The following LINGO1 variants were observed in gnomAD, a reference collection of about 807,000 sequenced individuals.
LINGO1 encodes leucine rich repeat and Ig domain containing 1, also known as leucine-rich repeat and immunoglobulin-like domain-containing nogo receptor-interacting protein 1.
In LINGO1, 11 loss-of-function variants were observed where a neutral mutation model predicts 37.3. The ratio of observed to expected loss-of-function variants is 0.29; its 90% confidence interval spans 0.19 to 0.49. The LOEUF (loss-of-function observed/expected upper bound fraction) is 0.49, where lower values mean the gene tolerates loss of function less well. Among genes scored for constraint, LINGO1 ranks in the 20% least tolerant of loss-of-function variants. LINGO1 has a pLI of 0.99. For missense variants in LINGO1, 585 were observed against 878.2 expected, an observed-to-expected ratio of 0.67 and a Z score of 4.22; for synonymous variants, 387 against 403.0, an observed-to-expected ratio of 0.96 and a Z score of 0.48.
chr15:77,632,449 C>T lies in LINGO1; in HGVS notation c.-134G>A. ...TCCGACACCTCCGCCCGGCAGTCCGCGCGCCCTCGCGGGGCTGGCTGTCCG... is the reference window on the plus strand; with the variant it reads ...TCCGACACCTCCGCCCGGCAGTCCGTGCGCCCTCGCGGGGCTGGCTGTCCG... On this transcript the variant is annotated 5_prime_UTR_variant, in exon 1 of 2. Transcript: ENST00000355300. The surrounding 1 kb of genome is among the most constrained non-coding windows in gnomAD (Gnocchi z 6.0). 1.0e-6 allele frequency: 1 copy of T among 1,000,014 alleles called. No individual in the cohort carries two copies. Among genetic ancestry groups the T allele is most frequent in the Non-Finnish European group, 1.3e-6 (1 of 777,330 alleles). 61.9% of individuals were successfully genotyped at this position (1,000,014 alleles called of 1,614,324 possible).
intron 1 of LINGO1, among the ~76,000 whole-genome samples, chr15:77,802,068 C>T (rs3902958): frequency 6.6e-6 from 1 of 151,866 alleles, no homozygotes; most frequent in African/African-American, 2.4e-5. Context: ...AGAGAGAGAG[C>T]GAGGAAAAGA....
At chr15:77,689,449 G>A (rs559679790) in intron 2 of LINGO1, among the ~76,000 whole-genome samples, 2 of 152,316 alleles carry the variant, frequency 1.3e-5, no homozygotes, top group South Asian at 4.1e-4. Flanking sequence ...GCTGCCCAGA[G>A]GGTGGGCTGC....
At chr15:77,713,026 T>C (rs2075937912) in intron 2 of LINGO1, among the ~76,000 whole-genome samples, 1 of 151,988 alleles carries the variant, frequency 6.6e-6, no homozygotes, top group Non-Finnish European at 1.5e-5. Context: ...TATGCTGGGG[T>C]TTTGGTTTTT....
intron 3 of LINGO1, among the ~76,000 whole-genome samples, chr15:77,669,330 T>G (rs1241649260): frequency 6.6e-6 from 1 of 152,172 alleles, no homozygotes; most frequent in Admixed American, 6.5e-5. Flanking sequence ...CCCCCATCCC[T>G]TTGCCTCCCA....
intron 1 of LINGO1, among the ~76,000 whole-genome samples, chr15:77,797,949 C>T (rs892749083): frequency 2.6e-5 from 4 of 152,210 alleles, no homozygotes; most frequent in African/African-American, 9.6e-5. Context: ...ATATTATGGG[C>T]TGCAGACTTC....
chr15:77,751,003 C>T (rs2076365378), intron 1 of LINGO1, among the ~76,000 whole-genome samples: 2 of 152,120 alleles, frequency 1.3e-5, no homozygotes, highest in Admixed American at 6.5e-5. Flanking sequence ...TCAGGAAGAA[C>T]AAGGGCAGCG....
chr15:77,794,169 C>T (rs1034713065), intron 2 of LINGO1, among the ~76,000 whole-genome samples: 1 of 152,040 alleles, frequency 6.6e-6, no homozygotes, highest in Non-Finnish European at 1.5e-5. Flanking sequence ...CACAGACAAT[C>T]CTGACGCCAT....
intron 2 of LINGO1, among the ~76,000 whole-genome samples, chr15:77,687,142 G>A (rs2075524788): frequency 6.6e-6 from 1 of 152,176 alleles, no homozygotes; most frequent in Non-Finnish European, 1.5e-5. Context: ...AGGGCTCAGT[G>A]TGAGGCTCGA....
At chr15:77,789,205 GT>G (rs1175737281), upstream of LINGO1, among the ~76,000 whole-genome samples, 2 of 152,224 alleles carry the variant, frequency 1.3e-5, no homozygotes, top group Non-Finnish European at 2.9e-5. Context: ...ACCTCAGTAT[GT>G]GATCTTATTT....
At chr15:77,656,527 C>G (rs563589810) in intron 3 of LINGO1, among the ~76,000 whole-genome samples, 1 of 152,192 alleles carries the variant, frequency 6.6e-6, no homozygotes, top group African/African-American at 2.4e-5. Flanking sequence ...TGGTGAGACT[C>G]GTGTGGCACC....
intron 2 of LINGO1, among the ~76,000 whole-genome samples, chr15:77,679,543 C>CGCCCCAAAAGACAGAGAT (rs2075380377): frequency 6.6e-6 from 1 of 152,108 alleles, no homozygotes; most frequent in Non-Finnish European, 1.5e-5. Flanking sequence ...TCCTCACAAC[C>CGCCCCAAAAGACAGAGAT]GCCCCAAAAG....
chr15:77,791,075 G>T (rs2076815028), upstream of LINGO1, among the ~76,000 whole-genome samples: 1 of 152,180 alleles, frequency 6.6e-6, no homozygotes, highest in Non-Finnish European at 1.5e-5. Flanking sequence ...GACCCCAGAT[G>T]ATTCCTGTCT....
At chr15:77,811,790 G>C (rs1331079103) in intron 1 of LINGO1, among the ~76,000 whole-genome samples, 1 of 152,174 alleles carries the variant, frequency 6.6e-6, no homozygotes, top group African/African-American at 2.4e-5. Context: ...GTGTGAAAAG[G>C]CTTGATGTCT....
At chr15:77,816,927 G>A (rs1319353407) in intron 1 of LINGO1, among the ~76,000 whole-genome samples, 1 of 152,162 alleles carries the variant, frequency 6.6e-6, no homozygotes, top group African/African-American at 2.4e-5. Flanking sequence ...CACTCAGGAG[G>A]CAAAAGTCTG....
At chr15:77,663,174 C>T (rs8030859) in intron 3 of LINGO1, among the ~76,000 whole-genome samples, 44,580 of 152,122 alleles carry the variant, frequency 0.29, 8,024 homozygotes, top group African/African-American at 0.5. Context: ...GTAAACATTC[C>T]CCACGCATGG....
At chr15:77,626,667 G>A (rs1313726397) in intron 1 of LINGO1, among the ~76,000 whole-genome samples, 1 of 152,222 alleles carries the variant, frequency 6.6e-6, no homozygotes, top group Non-Finnish European at 1.5e-5. Context: ...GGCTGCAAAG[G>A]TCTACTGCAG....
chr15:77,664,203 G>C (rs1484683931), intron 3 of LINGO1, among the ~76,000 whole-genome samples: 1 of 150,190 alleles, frequency 6.7e-6, no homozygotes, highest in Non-Finnish European at 1.5e-5. Context: ...TCTCAGCCCT[G>C]GCAGGCGGAG....
chr15:77,770,057 G>C (rs1393775919), intron 1 of LINGO1, among the ~76,000 whole-genome samples: 1 of 152,150 alleles, frequency 6.6e-6, no homozygotes, highest in Non-Finnish European at 1.5e-5. Context: ...CCCTGGGATA[G>C]AAAGACATAA....
At position 77,643,924 on chromosome 15, in the gene LINGO1, A is replaced by G. The variant is rs539904770; in HGVS notation, c.-12-28024T>C. Among the ~76,000 whole-genome samples, 29 of 152,320 alleles carry G rather than the reference A, an allele frequency of 1.9e-4. 1 individual carries two copies. The highest frequency in any genetic ancestry group is 7.0e-4 in the African/African-American group (29 of 41,578). The stretch of plus-strand genomic sequence containing the variant: ...TCCTGAAATGTGGACTCCTCTGGGC[A>G]GAGCACTTGGCCAAGTCCCTCCCCG... On this transcript the variant is annotated intron_variant, in intron 3 of 3. Coordinates refer to the LINGO1 transcript ENST00000559893.
Sources: gnomAD v4.1 joint callset for allele counts (sites outside exome capture counted in the v4.1 genomes callset) on GRCh38, gnomAD v4.1.1 for gene constraint, Gnocchi (gnomAD v3.1) non-coding constraint, MANE v1.5 for transcripts, NCBI Gene and HGNC (gene_info 2026-07-23, HGNC 2026-07-21) for gene names.